Variants in SPDYE18 observed in about 807,000 individuals in gnomAD.
The protein encoded by SPDYE18 is speedy protein E18.
In SPDYE18, 6 loss-of-function variants were observed where a neutral mutation model predicts 44.9. The observed-to-expected ratio is 0.13, with a 90% confidence interval of 0.07 to 0.26. SPDYE18 has a LOEUF of 0.26. Ranked by LOEUF, SPDYE18 falls within the 10% of genes least tolerant of loss-of-function variation. The probability of loss-of-function intolerance (pLI) is 1.00; values close to 1 mark genes in which losing one functional copy is unlikely to be tolerated. For synonymous variants in SPDYE18, 35 were observed against 177.1 expected (o/e 0.20, Z 6.37); for missense variants, 121 against 463.2 (o/e 0.26, Z 6.78).
rs1451303924 is a variant in SPDYE18, at chr7:77,051,489, T to A, written c.*436A>T. Among the ~76,000 whole-genome samples the A allele has an allele frequency of 2.0e-5, 3 of 152,284 alleles. No homozygotes were observed. The highest frequency in any genetic ancestry group is 2.9e-5 in the Non-Finnish European group (2 of 68,052). On this transcript the variant is annotated 3_prime_UTR_variant, in exon 9 of 9. Coordinates refer to ENST00000510091, the MANE Select transcript of SPDYE18 (RefSeq NM_001394953.1). ...GTGGCACTGATATTTCACAAAAGAA[T>A]TCTGTGCCAATCTGAGCCCCTGCAT...
chr7:77,061,032 C>CATGT (rs1790013931), intron 1 of SPDYE18, among the ~76,000 whole-genome samples, 99 bp from the exon 2 acceptor site: 92 of 108,476 alleles, frequency 8.5e-4, no homozygotes, highest in East Asian at 6.1e-3. Flanking sequence ...GTGAGATTAT[C>CATGT]ACGTACAAGA....
At chr7:77,059,738 C>T (rs1402250316) in intron 2 of SPDYE18, among the ~76,000 whole-genome samples, 4 of 148,174 alleles carry the variant, frequency 2.7e-5, no homozygotes, top group African/African-American at 7.4e-5. Context: ...CCACATCCAT[C>T]TCCTGGATTC....
At position 77,060,665 on chromosome 7, in the gene SPDYE18, C is replaced by T. The variant is rs1267326260; in HGVS notation, c.-153G>A. 2.6e-5 allele frequency among the ~76,000 whole-genome samples: 4 copies of T among 151,420 alleles called. No homozygotes were observed. The highest frequency in any genetic ancestry group is 4.9e-5 in the African/African-American group (2 of 41,230). ...GTCCGGTCCCTCCAATCAGGAAGGT[C>T]GGAATCTCTGATGTCATCGTTCATG... On this transcript the variant is annotated 5_prime_UTR_variant, in exon 2 of 9. Transcript: ENST00000510091.
At chr7:77,053,902 A>C (rs964858041) in intron 6 of SPDYE18, among the ~76,000 whole-genome samples, 2 of 146,436 alleles carry the variant, frequency 1.4e-5, no homozygotes, top group African/African-American at 4.9e-5. Context: ...CGGAGCTAAT[A>C]AAGAAGCTGA....
intron 3 of SPDYE18, among the ~76,000 whole-genome samples, chr7:77,058,535 C>T (rs1290783792): frequency 7.5e-6 from 1 of 132,956 alleles, no homozygotes; most frequent in Non-Finnish European, 1.6e-5. Context: ...GAGACAGCGT[C>T]TCACTCTCTC....
At position 77,060,654 on chromosome 7, in the gene SPDYE18, A is replaced by G. The variant is rs1790006902; in HGVS notation, c.-142T>C. 4 of 1,463,148 alleles carry G rather than the reference A, an allele frequency of 2.7e-6. No homozygotes were observed. Among genetic ancestry groups the G allele is most frequent in the Non-Finnish European group, 3.6e-6 (4 of 1,111,578 alleles). The allele number at this position is 1,463,148 out of a possible 1,614,324, so 90.6% of individuals were successfully genotyped here. On this transcript the variant is annotated 5_prime_UTR_variant, in exon 2 of 9. Transcript: ENST00000510091. The stretch of plus-strand genomic sequence containing the variant: ...GGCACCACGGAGTCCGGTCCCTCCA[A>G]TCAGGAAGGTCGGAATCTCTGATGT...
At chr7:77,052,630 C>T (rs751032408) in intron 8 of SPDYE18, among the ~76,000 whole-genome samples, 103 bp downstream of exon 8, 5 of 152,270 alleles carry the variant, frequency 3.3e-5, no homozygotes, top group African/African-American at 9.6e-5. Context: ...GAGGGGATCT[C>T]GCCACGTTGC....
chr7:77,060,800 A>G lies in SPDYE18; in HGVS notation c.-288T>C, dbSNP rs972529378. 1.6e-4 allele frequency among the ~76,000 whole-genome samples: 24 copies of G among 150,448 alleles called. No homozygotes were observed. Among genetic ancestry groups the G allele is most frequent in the African/African-American group, 5.6e-4 (23 of 40,780 alleles). Reference sequence around the variant, plus strand: ...CCTGCCACTGTCCCAACCTCAGACCATTGTCCAAAAGCATCTTCAGGGACT... The same window carrying G: ...CCTGCCACTGTCCCAACCTCAGACCGTTGTCCAAAAGCATCTTCAGGGACT... On this transcript the variant is annotated 5_prime_UTR_variant, in exon 2 of 9. It removes an upstream start codon present in the reference 5' UTR. Transcript: ENST00000510091.
intron 2 of SPDYE18, among the ~76,000 whole-genome samples, chr7:77,059,617 T>C (rs1358455951): frequency 1.4e-3 from 213 of 151,414 alleles, no homozygotes; most frequent in African/African-American, 3.6e-3. Flanking sequence ...TTCATGTCCT[T>C]CCCTGGTCTC....
intron 4 of SPDYE18, among the ~76,000 whole-genome samples, chr7:77,057,183 T>C (rs1247648845): frequency 2.6e-5 from 4 of 152,392 alleles, no homozygotes; most frequent in Admixed American, 6.5e-5. Context: ...CTCTGCCTCC[T>C]GGGTTTAAGC....
At chr7:77,054,671 G>A (rs865875928) in intron 6 of SPDYE18, among the ~76,000 whole-genome samples, 1,462 of 151,662 alleles carry the variant, frequency 9.6e-3, no homozygotes, top group African/African-American at 0.027. Flanking sequence ...CGGCATGTCC[G>A]CTCCTCCACT....
chr7:77,053,390 C>T (rs1231155905), intron 6 of SPDYE18, among the ~76,000 whole-genome samples, 187 bp from the exon 7 acceptor site: 1 of 152,228 alleles, frequency 6.6e-6, no homozygotes, highest in African/African-American at 2.4e-5. Flanking sequence ...GTCTCCCACT[C>T]CTTCAGGATG....
chr7:77,060,244 G>A (rs957785716), intron 2 of SPDYE18, 109 bp downstream of exon 2: 40 of 1,494,912 alleles, frequency 2.7e-5, no homozygotes, highest in Admixed American at 6.3e-5. Flanking sequence ...TGATTCGCCC[G>A]CCTCGGCCTC....
intron 4 of SPDYE18, among the ~76,000 whole-genome samples, chr7:77,056,973 T>A (rs1275140974): frequency 3.5e-4 from 54 of 152,276 alleles, no homozygotes; most frequent in Middle Eastern, 3.4e-3. Context: ...GATCCCCCAC[T>A]ATGGATGGAG....
chr7:77,056,427 AAAAAAAAAGAC>A (rs1789922044), intron 5 of SPDYE18, 112 bp downstream of exon 5: 1 of 580,324 alleles, frequency 1.7e-6, no homozygotes, highest in African/African-American at 2.5e-5. Flanking sequence ...AAAAAAAAAA[AAAAAAAAAGAC>A]TGTAGGAGCA....
At chr7:77,053,889 A>C (rs867309766) in intron 6 of SPDYE18, among the ~76,000 whole-genome samples, 5 of 146,510 alleles carry the variant, frequency 3.4e-5, no homozygotes, top group Admixed American at 7.2e-5. Flanking sequence ...ACAGCCCTGT[A>C]GTCGGAGCTA....
chr7:77,053,328 G>C, intron 6 of SPDYE18, 125 bp from the exon 7 acceptor site: 1 of 1,431,682 alleles, frequency 7.0e-7, no homozygotes, highest in Non-Finnish European at 9.3e-7. Context: ...ACCCTGCAGA[G>C]AGCCACGCCT....
At chr7:77,053,754 G>A (rs1356406330) in intron 6 of SPDYE18, among the ~76,000 whole-genome samples, 3 of 151,862 alleles carry the variant, frequency 2.0e-5, no homozygotes, top group Admixed American at 2.0e-4. Flanking sequence ...CATAAGAATT[G>A]TGTGAACCCA....
At chr7:77,060,060 A>C in intron 2 of SPDYE18, among the ~76,000 whole-genome samples, 1 of 131,772 alleles carries the variant, frequency 7.6e-6, no homozygotes, top group African/African-American at 3.0e-5. Context: ...CAGTAGCGTG[A>C]TCTCAGCTCA....
Sources: gnomAD v4.1 joint callset for allele counts (sites outside exome capture counted in the v4.1 genomes callset) on GRCh38, gnomAD v4.1.1 for gene constraint, MANE v1.5 for transcripts, NCBI Gene and HGNC (gene_info 2026-07-23, HGNC 2026-07-21) for gene names.